The following ST7 variants were observed in gnomAD, a reference collection of about 807,000 sequenced individuals.
ST7 encodes suppressor of tumorigenicity 7 protein.
In ST7, 28 loss-of-function variants were observed where a neutral mutation model predicts 78.7. That is an observed-to-expected ratio of 0.36 (90% confidence interval 0.26 to 0.49). ST7 has a LOEUF of 0.49. Among genes scored for constraint, ST7 ranks in the 20% least tolerant of loss-of-function variants. ST7 has a pLI of 0.99. For missense variants in ST7, 418 were observed against 696.0 expected, an observed-to-expected ratio of 0.60 and a Z score of 4.49; for synonymous variants, 247 against 249.6, an observed-to-expected ratio of 0.99 and a Z score of 0.10.
intron 1 of ST7, among the ~76,000 whole-genome samples, chr7:117,000,394 T>G (rs1249586426): frequency 1.3e-5 from 2 of 152,224 alleles, no homozygotes; most frequent in Non-Finnish European, 2.9e-5. Context: ...TAATTTAAAT[T>G]TAGCCATTTA....
chr7:117,116,852 C>T (rs1434950278), intron 2 of ST7, among the ~76,000 whole-genome samples: 1 of 152,096 alleles, frequency 6.6e-6, no homozygotes, highest in Admixed American at 6.6e-5. Context: ...AGCAAATGTC[C>T]AGTTAATATG....
chr7:116,977,630 C>T (rs557049403), intron 1 of ST7, among the ~76,000 whole-genome samples: 1 of 152,352 alleles, frequency 6.6e-6, no homozygotes, highest in South Asian at 2.1e-4. Context: ...TGGCTCATTG[C>T]ACCCTCTGCC....
In ST7 at chr7:117,219,059, CTGACATATTTTTTCTCGTTT is replaced by C. The variant is rs1301530450; in HGVS notation, c.1406-23_1406-4del. ...GTTATGACACAAACATTGGACATCTCTGACATATTTTTTCTCGTTTTCAGCTTTTCGGATGATCCCTTATC... is the reference window on the plus strand; with the variant it reads ...GTTATGACACAAACATTGGACATCTCTCAGCTTTTCGGATGATCCCTTATC... On this transcript the variant is annotated splice_region_variant and splice_polypyrimidine_tract_variant and intron_variant, in intron 13 of 15. Transcript: ENST00000323984. This position sits in a 1 kb window ranked among gnomAD's most constrained non-coding sequence, Gnocchi z 5.1. 6.3e-7 allele frequency: 1 copy of C among 1,588,578 alleles called. No homozygotes were observed. The highest frequency in any genetic ancestry group is 1.4e-5 in the African/African-American group (1 of 73,900).
At chr7:117,137,613 T>A (rs1804899036) in intron 8 of ST7, among the ~76,000 whole-genome samples, 1 of 152,156 alleles carries the variant, frequency 6.6e-6, no homozygotes, top group Non-Finnish European at 1.5e-5. Context: ...ATTGTTTAAG[T>A]CTTGAAATGT....
chr7:117,081,931 AGGATTTT>A (rs1159145252), intron 1 of ST7, among the ~76,000 whole-genome samples: 4 of 151,962 alleles, frequency 2.6e-5, no homozygotes, highest in Non-Finnish European at 5.9e-5. Flanking sequence ...GTTGGGTTCC[AGGATTTT>A]GGGGGCTGGC....
At chr7:117,174,603 CT>C (rs1808228522) in intron 10 of ST7, among the ~76,000 whole-genome samples, 1 of 151,930 alleles carries the variant, frequency 6.6e-6, no homozygotes, top group Non-Finnish European at 1.5e-5. Context: ...CAGACCCATG[CT>C]TTTAACCACC....
intron 1 of ST7, among the ~76,000 whole-genome samples, chr7:117,008,031 A>AT (rs1795225528): frequency 6.6e-6 from 1 of 152,216 alleles, no homozygotes; most frequent in African/African-American, 2.4e-5. Flanking sequence ...TTAGAAATAT[A>AT]TTTTCAATAG....
chr7:117,169,704 C>G (rs147069050), intron 9 of ST7, among the ~76,000 whole-genome samples: 19 of 152,102 alleles, frequency 1.2e-4, no homozygotes, highest in Non-Finnish European at 1.6e-4. Flanking sequence ...TGTACCTGGG[C>G]TGCTGGCCAC....
intron 1 of ST7, among the ~76,000 whole-genome samples, chr7:116,992,118 C>T (rs1034671134): frequency 6.6e-6 from 1 of 152,188 alleles, no homozygotes; most frequent in Admixed American, 6.5e-5. Flanking sequence ...GTGTCTGTGG[C>T]TGTTCCAGGT....
At chr7:117,102,682 G>C (rs1801651192) in intron 2 of ST7, among the ~76,000 whole-genome samples, 3 of 152,104 alleles carry the variant, frequency 2.0e-5, no homozygotes, top group African/African-American at 7.2e-5. Context: ...GATATCCAGA[G>C]AGGACAAGGA....
chr7:117,184,708 A>G (rs760766246), intron 10 of ST7, among the ~76,000 whole-genome samples: 1 of 152,204 alleles, frequency 6.6e-6, no homozygotes, highest in Non-Finnish European at 1.5e-5. Context: ...TGGTGTGTTT[A>G]CATGAATCTA....
chr7:117,126,883 C>T (rs1360197769), intron 3 of ST7, among the ~76,000 whole-genome samples: 1 of 151,886 alleles, frequency 6.6e-6, no homozygotes, highest in Non-Finnish European at 1.5e-5. Flanking sequence ...GGGAACTAAG[C>T]AAGTGCTATT....
intron 1 of ST7, among the ~76,000 whole-genome samples, chr7:117,032,901 G>A (rs1305641599): frequency 6.6e-6 from 1 of 152,146 alleles, no homozygotes; most frequent in East Asian, 1.9e-4. Context: ...TTCCAGGCAG[G>A]CCTACTCTGT....
At chr7:117,059,894 G>T (rs1431404263) in intron 1 of ST7, among the ~76,000 whole-genome samples, 1 of 151,704 alleles carries the variant, frequency 6.6e-6, no homozygotes, top group Non-Finnish European at 1.5e-5. Context: ...GAGGTGGGAG[G>T]ATCGCTTGAT....
At chr7:117,112,865 C>G (rs940713504) in intron 2 of ST7, among the ~76,000 whole-genome samples, 1 of 152,194 alleles carries the variant, frequency 6.6e-6, no homozygotes, top group Non-Finnish European at 1.5e-5. Context: ...AGGAAATAGG[C>G]TCATTTAACC....
At chr7:117,221,614 A>AG (rs1283820047) in intron 14 of ST7, among the ~76,000 whole-genome samples, 6 of 152,020 alleles carry the variant, frequency 3.9e-5, no homozygotes, top group African/African-American at 1.2e-4. Context: ...TTTGCTTTTG[A>AG]GAAAAAAATA....
At chr7:117,045,341 A>G (rs1198134330) in intron 1 of ST7, among the ~76,000 whole-genome samples, 1 of 151,396 alleles carries the variant, frequency 6.6e-6, no homozygotes, top group Non-Finnish European at 1.5e-5. Flanking sequence ...CTTCCATAGT[A>G]TTCCCTCTTC....
In ST7 at chr7:117,219,072, T is replaced by C; in HGVS notation, c.1406-12T>C. 1.2e-6 allele frequency: 2 copies of C among 1,604,006 alleles called. No homozygotes were observed. Among genetic ancestry groups the C allele is most frequent in the Non-Finnish European group, 1.7e-6 (2 of 1,176,114 alleles). On this transcript the variant is annotated splice_polypyrimidine_tract_variant and intron_variant, in intron 13 of 15. Transcript: ENST00000323984. This position sits in a 1 kb window ranked among gnomAD's most constrained non-coding sequence, Gnocchi z 5.1. Reference sequence around the variant, plus strand: ...CATTGGACATCTCTGACATATTTTTTCTCGTTTTCAGCTTTTCGGATGATC... The same window carrying C: ...CATTGGACATCTCTGACATATTTTTCCTCGTTTTCAGCTTTTCGGATGATC...
chr7:117,223,065 G>T, intron 15 of ST7: 5 of 945,320 alleles, frequency 5.3e-6, no homozygotes, highest in Non-Finnish European at 6.8e-6. Context: ...TGCTCAAGCC[G>T]GAAACTCGGC....
Sources: gnomAD v4.1 joint callset for allele counts (sites outside exome capture counted in the v4.1 genomes callset) on GRCh38, gnomAD v4.1.1 for gene constraint, Gnocchi (gnomAD v3.1) non-coding constraint, MANE v1.5 for transcripts, NCBI Gene and HGNC (gene_info 2026-07-23, HGNC 2026-07-21) for gene names.